The following NLRP2 variants were observed in gnomAD, a reference collection of about 807,000 sequenced individuals.
NLRP2 encodes the protein NACHT, LRR and PYD domains-containing protein 2.
Under a neutral mutation model 97.2 loss-of-function variants are expected in NLRP2, and 107 were observed. The observed-to-expected ratio is 1.10, with a 90% CI of 0.94 to 1.29. The LOEUF is 1.29. Ranked by LOEUF, NLRP2 falls within the 50% of genes most tolerant of loss-of-function variation. The pLI is 0.00. For missense variants in NLRP2, 1,495 were observed against 1,330.3 expected (o/e 1.12, Z -1.93); for synonymous variants, 663 against 551.5 (o/e 1.20, Z -2.83).
chr19:54,971,925 T>A (rs1307165385), intron 2 of NLRP2, among the ~76,000 whole-genome samples: 1 of 151,260 alleles, frequency 6.6e-6, no homozygotes, highest in Non-Finnish European at 1.5e-5. Context: ...GCCTCCCGGG[T>A]TCAAGCGATT....
rs1454700460 is a variant in NLRP2 at position 54,997,333 on chromosome 19, A to C, written c.2896A>C (p.Ile966Leu). Reference sequence around the variant, plus strand: ...TTTCCCCAGGTTGTGGGGATGTTCCATCCCTCCGTTCAGTTGTGAAGACCT... The same window carrying C: ...TTTCCCCAGGTTGTGGGGATGTTCCCTCCCTCCGTTCAGTTGTGAAGACCT... ...LRCLWLWGCSIPPFSCEDLCS... is the reference protein window; with the variant it reads ...LRCLWLWGCSLPPFSCEDLCS... Residue 966 changes from isoleucine (I) to leucine (L), a missense_variant, in exon 12 of 13, where the codon ATC becomes CTC. Ile to Leu is a conservative substitution (Grantham distance 5, BLOSUM62 2). Coordinates refer to ENST00000448584, the MANE Select transcript of NLRP2 (RefSeq NM_017852.5). 3 of 1,613,630 alleles carry C rather than the reference A, an allele frequency of 1.9e-6. 1 individual carries two copies. The highest frequency in any genetic ancestry group is 2.5e-6 in the Non-Finnish European group (3 of 1,180,024).
In NLRP2 at chr19:54,982,709, G is replaced by A. The variant is rs2071681366; in HGVS notation, c.1011G>A (p.Arg337=). The change falls in exon 6 of 13, where the codon CGG becomes CGA. Residue 337 remains arginine, a synonymous_variant. Transcript: ENST00000448584. ...LPKAALLVTT[R]PRALRDLRIL... Reference sequence around the variant, plus strand: ...AGGCCGCCCTGCTGGTCACCACGCGGCCCAGGGCCCTGAGGGACCTCCGGA... The same window carrying A: ...AGGCCGCCCTGCTGGTCACCACGCGACCCAGGGCCCTGAGGGACCTCCGGA... 1.2e-6 allele frequency: 2 copies of A among 1,613,952 alleles called. No homozygotes were observed. Among genetic ancestry groups the A allele is most frequent in the Non-Finnish European group, 1.7e-6 (2 of 1,180,000 alleles).
chr19:54,968,036 A>G (rs2070587218), intron 1 of NLRP2, among the ~76,000 whole-genome samples: 1 of 150,470 alleles, frequency 6.6e-6, no homozygotes, highest in Non-Finnish European at 1.5e-5. Flanking sequence ...CTCGTGCCTC[A>G]GCCTTCTAAG....
rs765757908 is a variant in NLRP2 at position 54,977,774 on chromosome 19, A to G, written c.348A>G (p.Pro116=). The G allele has an allele frequency of 1.2e-6, 2 of 1,613,776 alleles. No individual in the cohort carries two copies. The highest frequency in any genetic ancestry group is 1.7e-6 in the Non-Finnish European group (2 of 1,180,008). The change falls in exon 4 of 13, where the codon CCA becomes CCG. Residue 116 remains proline (P), a synonymous_variant. Transcript: ENST00000448584. ...LSLGITRKER[P]PLDVDEMLER... ...CAGGGATAACACGGAAAGAACGACCACCTCTAGACGTGGACGAAATGCTGG... is the reference window on the plus strand; with the variant it reads ...CAGGGATAACACGGAAAGAACGACCGCCTCTAGACGTGGACGAAATGCTGG...
At chr19:54,967,915 CT>C (rs2070573446) in intron 1 of NLRP2, among the ~76,000 whole-genome samples, 3 of 121,496 alleles carry the variant, frequency 2.5e-5, no homozygotes, top group African/African-American at 9.2e-5. Flanking sequence ...GTTGCTACTG[CT>C]ATTTTTTTTT....
At chr19:54,995,780 G>A (rs71367134) in intron 11 of NLRP2, among the ~76,000 whole-genome samples, 21,587 of 151,896 alleles carry the variant, frequency 0.14, 2,155 homozygotes, top group Non-Finnish European at 0.21. Context: ...GGTGGCTCAT[G>A]CCTGTAATCC....
intron 8 of NLRP2, among the ~76,000 whole-genome samples, chr19:54,986,770 A>G (rs2072119995): frequency 6.6e-6 from 1 of 151,990 alleles, no homozygotes; most frequent in Non-Finnish European, 1.5e-5. Context: ...CTGGTCTCGA[A>G]CTCATGACCT....
chr19:54,994,196 A>G (rs1410580566), intron 10 of NLRP2, 73 bp from the exon 11 acceptor site: 1 of 1,508,344 alleles, frequency 6.6e-7, no homozygotes, highest in Non-Finnish European at 9.2e-7. Context: ...CCACGGCTCA[A>G]GAGTCAAAGG....
chr19:54,993,366 C>T (rs1161189785), intron 10 of NLRP2: 1 of 152,082 alleles, frequency 6.6e-6, no homozygotes, highest in African/African-American at 2.4e-5. Context: ...GTATGCTTCA[C>T]TTGGGACCCA....
chr19:54,998,075 G>T (rs28403201), intron 12 of NLRP2, among the ~76,000 whole-genome samples: 2 of 146,970 alleles, frequency 1.4e-5, no homozygotes, highest in Admixed American at 1.4e-4. Flanking sequence ...TGCCCAGGCT[G>T]GGGTGCAGTG....
In NLRP2 at chr19:54,983,373, G is replaced by A. The variant is rs1166604729; in HGVS notation, c.1675G>A (p.Gly559Ser). 4 of 1,614,184 alleles carry A rather than the reference G, an allele frequency of 2.5e-6. No individual in the cohort carries two copies. Among genetic ancestry groups the A allele is most frequent in the Non-Finnish European group, 3.4e-6 (4 of 1,180,032 alleles). Residue 559 changes from glycine to serine, a missense_variant, in exon 6 of 13, where the codon GGC becomes AGC. By Grantham distance (56) the Gly-to-Ser change is moderately conservative. Transcript: ENST00000448584. Reference protein sequence around the residue: ...DLIQAGYYSFGLANEKRAKEL... With the variant: ...DLIQAGYYSFSLANEKRAKEL... ...GATCCAAGCAGGCTACTACTCCTTT[G>A]GCCTCGCTAACGAGAAGAGAGCCAA...
chr19:54,974,972 TGTG>T (rs961868893), intron 3 of NLRP2, among the ~76,000 whole-genome samples: 1 of 151,934 alleles, frequency 6.6e-6, no homozygotes, highest in African/African-American at 2.4e-5. Flanking sequence ...GCTAATTTTT[TGTG>T]GTGTTTGTAG....
chr19:54,984,732 C>T (rs568280525), intron 6 of NLRP2, among the ~76,000 whole-genome samples: 1 of 152,116 alleles, frequency 6.6e-6, no homozygotes, highest in African/African-American at 2.4e-5. Flanking sequence ...ATCCACCCGC[C>T]TCAGCCTCAC....
Position 54,982,522 on chromosome 19 carries a change from A to G in NLRP2, c.824A>G (p.His275Arg), listed in dbSNP as rs763466159. 4 of 1,614,124 alleles carry G rather than the reference A, an allele frequency of 2.5e-6. No individual in the cohort carries two copies. Among genetic ancestry groups the G allele is most frequent in the African/African-American group, 1.3e-5 (1 of 75,014 alleles). ...DWPELQDDIP[H>R]ILAQARKILF... ...CCTGAATTGCAGGATGACATTCCACACATCCTAGCCCAAGCACGGAAAATC... is the reference window on the plus strand; with the variant it reads ...CCTGAATTGCAGGATGACATTCCACGCATCCTAGCCCAAGCACGGAAAATC... Residue 275 changes from histidine to arginine, a missense_variant, in exon 6 of 13, where the codon CAC (histidine) becomes CGC (arginine). Coordinates refer to ENST00000448584, the MANE Select transcript of NLRP2 (RefSeq NM_017852.5).
rs145201792 is a variant in NLRP2, at chr19:54,985,960, C to G, written c.2202-191C>G. 5.8e-3 allele frequency among the ~76,000 whole-genome samples: 875 copies of G among 152,078 alleles called. 12 individuals carry two copies. The highest frequency in any genetic ancestry group is 0.02 in the African/African-American group (835 of 41,494). ...TGCTTTGCAGTGAGCCGAGATCGCG[C>G]CACTGCACTCCAGCCTGGGCAACAG... is the stretch of plus-strand genomic sequence containing the variant. On this transcript the variant is annotated intron_variant, in intron 7 of 12. Coordinates refer to ENST00000448584, the MANE Select transcript of NLRP2 (RefSeq NM_017852.5).
In NLRP2 at chr19:54,986,305, C is replaced by A. The variant is rs145922476; in HGVS notation, c.2356C>A (p.Arg786=). 1 of 1,613,060 alleles carries A rather than the reference C, an allele frequency of 6.2e-7. No homozygotes were observed. The highest frequency in any genetic ancestry group is 1.3e-5 in the African/African-American group (1 of 75,004). ...EVLRHPECNL[R]YLGLVSCSAT... ...CTTGAGACATCCAGAATGTAACCTG[C>A]GATATCTCGGGTATATCTCTTAATC... The change falls in exon 8 of 13, where the codon CGA becomes AGA. Residue 786 remains arginine (R), a synonymous_variant. Transcript: ENST00000448584.
intron 1 of NLRP2, among the ~76,000 whole-genome samples, chr19:54,966,929 C>T (rs943870182): frequency 2.7e-5 from 4 of 147,952 alleles, no homozygotes; most frequent in African/African-American, 5.0e-5. Context: ...GAACCCTTGA[C>T]CTCTCAGGTT....
intron 6 of NLRP2, among the ~76,000 whole-genome samples, chr19:54,984,471 T>C (rs1173565506): frequency 6.5e-5 from 9 of 137,676 alleles, no homozygotes; most frequent in Non-Finnish European, 4.6e-5. Context: ...TGTATAGATA[T>C]GTATATTCCC....
chr19:54,986,153 T>G lies in NLRP2; in HGVS notation c.2204T>G (p.Phe735Cys). ...CACTTTCGTTCTCTTTTCCCTAGGT[T>G]CAAAAACATTTCCCCAGCTGATGCT... ...SDTCHLQRVVFKNISPADAHR... is the reference protein window; with the variant it reads ...SDTCHLQRVVCKNISPADAHR... Residue 735 changes from phenylalanine (F) to cysteine (C), a missense_variant and splice_region_variant, in exon 8 of 13, where the codon TTC becomes TGC. Coordinates refer to ENST00000448584, the MANE Select transcript of NLRP2 (RefSeq NM_017852.5). 6.2e-7 allele frequency: 1 copy of G among 1,612,128 alleles called. No individual in the cohort carries two copies. Among genetic ancestry groups the G allele is most frequent in the South Asian group, 1.1e-5 (1 of 91,052 alleles).
Sources: allele counts gnomAD v4.1 joint callset (sites outside exome capture counted in the v4.1 genomes callset), GRCh38; gene constraint gnomAD v4.1.1; transcripts MANE v1.5; gene names NCBI Gene and HGNC (gene_info 2026-07-23, HGNC 2026-07-21).